Variants in PXDN observed in about 807,000 individuals in gnomAD.
PXDN encodes the protein peroxidasin, also known as peroxidasin homolog.
In PXDN, 77 loss-of-function variants were observed where a neutral mutation model predicts 140.3. That is an observed-to-expected ratio of 0.55 (90% CI 0.46 to 0.66). PXDN has a LOEUF of 0.66. PXDN is among the 30% of genes least tolerant of loss of function. The pLI, the probability that PXDN is intolerant of heterozygous loss-of-function variation, is 0.00. For missense variants in PXDN, 1,838 were observed against 2,039.5 expected, an observed-to-expected ratio of 0.90 and a Z score of 1.90; for synonymous variants, 911 against 857.4, an observed-to-expected ratio of 1.06 and a Z score of -1.09.
At chr2:1,743,807 GCTC>G (rs1237311032) in intron 1 of PXDN, among the ~76,000 whole-genome samples, 1 of 144,314 alleles carries the variant, frequency 6.9e-6, no homozygotes, top group Non-Finnish European at 1.5e-5. Context: ...GCTGCGCCGC[GCTC>G]GGGGAGCGGA....
At position 1,744,428 on chromosome 2, in the gene PXDN, G is replaced by C; in HGVS notation, c.28C>G (p.Arg10Gly). 6.6e-7 allele frequency: 1 copy of C among 1,505,786 alleles called. No homozygotes were observed. The highest frequency in any genetic ancestry group is 1.2e-5 in the South Asian group (1 of 81,240). The allele number at this position is 1,505,786 out of a possible 1,614,324, so 93.3% of individuals were successfully genotyped here. Residue 10 changes from arginine to glycine, a missense_variant, in exon 1 of 23, where the codon CGC becomes GGC. Transcript: ENST00000252804. MAKRSRGPG[R>G]RCLLALVLFC... ...AGCACGAGCGCCAACAGGCAGCGGCGCCCGGGGCCCCTGGAGCGCTTGGCC... is the reference window on the plus strand; with the variant it reads ...AGCACGAGCGCCAACAGGCAGCGGCCCCCGGGGCCCCTGGAGCGCTTGGCC...
At chr2:1,693,423 G>C (rs916029766) in intron 1 of PXDN, among the ~76,000 whole-genome samples, 1 of 152,196 alleles carries the variant, frequency 6.6e-6, no homozygotes, top group Non-Finnish European at 1.5e-5. Context: ...ACTGGAAAAT[G>C]TCGTGTCGAT....
chr2:1,641,369 C>T (rs972306239), intron 19 of PXDN, among the ~76,000 whole-genome samples: 1 of 152,084 alleles, frequency 6.6e-6, no homozygotes, highest in Non-Finnish European at 1.5e-5. Context: ...AGGCTAGTCT[C>T]GAACTCCTAA....
At chr2:1,729,091 GAC>G (rs1199802249) in intron 1 of PXDN, among the ~76,000 whole-genome samples, 1 of 152,168 alleles carries the variant, frequency 6.6e-6, no homozygotes, top group Non-Finnish European at 1.5e-5. Context: ...GATCAAACAA[GAC>G]ACAGACAAGC....
At chr2:1,682,025 G>A (rs537988696) in intron 6 of PXDN, among the ~76,000 whole-genome samples, 51 of 152,328 alleles carry the variant, frequency 3.3e-4, no homozygotes, top group Admixed American at 1.8e-3. Flanking sequence ...AGGACACAGC[G>A]TGTTCTCTTG....
chr2:1,674,136 C>T lies in PXDN; in HGVS notation c.849-324G>A, dbSNP rs553688504. 4.6e-5 allele frequency among the ~76,000 whole-genome samples: 7 copies of T among 152,318 alleles called. 1 individual carries two copies. In the South Asian group the frequency reaches 8.3e-4, roughly 18 times the overall value. Reference sequence around the variant, plus strand: ...AAAATTCCAAGGAAACATTTTCTTTCGTTTCTGGTGAATTAACTAAAAAGG... The same window carrying T: ...AAAATTCCAAGGAAACATTTTCTTTTGTTTCTGGTGAATTAACTAAAAAGG... On this transcript the variant is annotated intron_variant, in intron 8 of 22. Coordinates refer to ENST00000252804, the MANE Select transcript of PXDN (RefSeq NM_012293.3).
intron 6 of PXDN, among the ~76,000 whole-genome samples, chr2:1,683,058 A>G (rs1258104114): frequency 6.6e-6 from 1 of 152,158 alleles, no homozygotes; most frequent in African/African-American, 2.4e-5. Context: ...GGAATTAAAA[A>G]TTAATTTGAT....
intron 1 of PXDN, among the ~76,000 whole-genome samples, chr2:1,739,647 G>A (rs1685495724): frequency 6.6e-6 from 1 of 152,086 alleles, no homozygotes; most frequent in South Asian, 2.1e-4. Context: ...TGGCAAACTG[G>A]ACATCCCAGG....
chr2:1,680,493 G>C lies in PXDN; in HGVS notation c.561-131C>G. The C allele has an allele frequency of 5.4e-6, 6 of 1,107,790 alleles. 2 individuals are homozygous for C. In the South Asian group the frequency reaches 8.4e-5, roughly 15 times the overall value. The allele number at this position is 1,107,790 out of a possible 1,614,324, so 68.6% of individuals were successfully genotyped here. ...CTGCCAGGCTTGCGACATGGGGATG[G>C]GACACGTCTCGTGGTGGAATCTGAG... On this transcript the variant is annotated intron_variant, in intron 6 of 22. Transcript: ENST00000252804.
At chr2:1,743,219 G>C (rs769345336) in intron 1 of PXDN, among the ~76,000 whole-genome samples, 7 of 152,200 alleles carry the variant, frequency 4.6e-5, no homozygotes, top group African/African-American at 1.7e-4. Context: ...CCGTGACGCG[G>C]GACGGCCCGC....
chr2:1,683,703 T>C lies in PXDN; in HGVS notation c.513A>G (p.Thr171=). Residue 171 remains threonine (T), a synonymous_variant, in exon 6 of 23, where the codon ACA becomes ACG. Transcript: ENST00000252804. The part of the protein sequence containing the change: ...ERLFLHNNRI[T]HLVPGTFNHL... Reference sequence around the variant, plus strand: ...GATTAAATGTCCCTGGAACTAAATGTGTAATCCGGTTGTTATGCAAAAATC... The same window carrying C: ...GATTAAATGTCCCTGGAACTAAATGCGTAATCCGGTTGTTATGCAAAAATC... 11 of 1,606,884 alleles carry C rather than the reference T, an allele frequency of 6.8e-6. No homozygotes were observed. Among genetic ancestry groups the C allele is most frequent in the Non-Finnish European group, 9.3e-6 (11 of 1,177,632 alleles).
chr2:1,735,504 T>C (rs927250597), intron 1 of PXDN, among the ~76,000 whole-genome samples: 1 of 152,236 alleles, frequency 6.6e-6, no homozygotes, highest in African/African-American at 2.4e-5. Context: ...CCTTGCATTC[T>C]CCATCAGAGC....
chr2:1,711,612 C>T (rs866152647), intron 1 of PXDN, among the ~76,000 whole-genome samples: 7 of 141,278 alleles, frequency 5.0e-5, no homozygotes, highest in Admixed American at 1.4e-4. Context: ...TCCACCAGCA[C>T]CCACTCTCCA....
chr2:1,712,972 G>A (rs557127033), intron 1 of PXDN, among the ~76,000 whole-genome samples: 3 of 152,314 alleles, frequency 2.0e-5, no homozygotes, highest in Admixed American at 6.5e-5. Flanking sequence ...TGATCCACCC[G>A]CCTTGGCCTC....
At chr2:1,640,927 C>T (rs1166615830) in intron 19 of PXDN, among the ~76,000 whole-genome samples, 1 of 152,156 alleles carries the variant, frequency 6.6e-6, no homozygotes, top group Non-Finnish European at 1.5e-5. Flanking sequence ...ATGGGACCTC[C>T]GTCCCTCCAG....
intron 14 of PXDN, among the ~76,000 whole-genome samples, chr2:1,658,084 CTCTCTCTCTG>C (rs1683206683): frequency 9.2e-6 from 1 of 109,002 alleles, no homozygotes; most frequent in Non-Finnish European, 1.8e-5. Context: ...CTCTCTCTCT[CTCTCTCTCTG>C]TTACAGTGTC....
In PXDN at chr2:1,673,660, C is replaced by T; in HGVS notation, c.1001G>A (p.Arg334Lys). Residue 334 changes from arginine (R) to lysine (K), a missense_variant, in exon 9 of 23, where the codon AGG (arginine) becomes AAG (lysine). Physicochemically the swap from Arg to Lys is conservative, Grantham distance 26. Coordinates refer to ENST00000252804, the MANE Select transcript of PXDN (RefSeq NM_012293.3). ...CCACATACCTGGAGACCCGAAGTAC[C>T]TGAGGGTCACCTCTTGCGTCTTCAC... ...GEVKTQEVTL[R>K]YFGSPARPTF... 6.2e-7 allele frequency: 1 copy of T among 1,613,096 alleles called. No individual in the cohort carries two copies. The highest frequency in any genetic ancestry group is 1.1e-5 in the South Asian group (1 of 90,936).
At chr2:1,656,898 AC>A (rs1379656065) in intron 14 of PXDN, among the ~76,000 whole-genome samples, 2 of 86,414 alleles carry the variant, frequency 2.3e-5, no homozygotes, top group Non-Finnish European at 4.9e-5. Flanking sequence ...ACAGGGACCT[AC>A]CCCCTCCTGA....
intron 1 of PXDN, among the ~76,000 whole-genome samples, chr2:1,697,726 TC>T (rs1319406612): frequency 2.0e-5 from 3 of 152,152 alleles, no homozygotes; most frequent in African/African-American, 7.2e-5. Context: ...CAGTGACGTC[TC>T]CCCAGGGGGC....
Sources: gnomAD v4.1 joint callset for allele counts (sites outside exome capture counted in the v4.1 genomes callset) on GRCh38, gnomAD v4.1.1 for gene constraint, MANE v1.5 for transcripts, NCBI Gene and HGNC (gene_info 2026-07-23, HGNC 2026-07-21) for gene names.